Variants in ADGRE2 observed in about 807,000 individuals in gnomAD.
ADGRE2 encodes adhesion G protein-coupled receptor E2, also known as CD97 antigen.
In ADGRE2, 83 loss-of-function variants were observed where a neutral mutation model predicts 100.8. The observed-to-expected ratio is 0.82, with a 90% CI of 0.69 to 0.99. ADGRE2 has a LOEUF of 0.99. ADGRE2 is among the 50% of genes least tolerant of loss of function. The pLI is 0.00. For missense variants in ADGRE2, 814 were observed against 1,035.7 expected (o/e 0.79, Z 2.94); for synonymous variants, 355 against 413.0 (o/e 0.86, Z 1.70).
At chr19:14,754,439 TTATC>T (rs58065037) in intron 14 of ADGRE2, among the ~76,000 whole-genome samples, 41,299 of 126,010 alleles carry the variant, frequency 0.33, 5,831 homozygotes, top group Admixed American at 0.37. Context: ...CAGGCAGAAA[TTATC>T]TATCTATCTA....
At chr19:14,756,430 C>G in intron 11 of ADGRE2, 85 bp from the exon 12 acceptor site, 2 of 813,792 alleles carry the variant, frequency 2.5e-6, no homozygotes, top group Admixed American at 3.9e-5. Context: ...AATATATATA[C>G]TATATACATA....
At chr19:14,751,245 A>G (rs985048217) in intron 16 of ADGRE2, among the ~76,000 whole-genome samples, 191 bp downstream of exon 16, 2 of 152,198 alleles carry the variant, frequency 1.3e-5, no homozygotes, top group Admixed American at 6.5e-5. Flanking sequence ...CTCTTCTACA[A>G]TGCCTAGCTT....
At chr19:14,759,503 ATT>A (rs368205522) in intron 11 of ADGRE2, among the ~76,000 whole-genome samples, 30 of 133,352 alleles carry the variant, frequency 2.2e-4, no homozygotes, top group African/African-American at 7.4e-4. Context: ...ATATATATAT[ATT>A]TTTTTTTTTT....
chr19:14,751,379 C>G lies in ADGRE2; in HGVS notation c.2024+57G>C, dbSNP rs149862660. ...GTGTCATAAAAATGCTATCTAGGTT[C>G]TAGCAATGGCCATGGTTATGCCGGA... On this transcript the variant is annotated intron_variant, in intron 16 of 20. Transcript: ENST00000315576. The G allele has an allele frequency of 1.5e-5, 20 of 1,328,716 alleles. No individual in the cohort carries two copies. In the African/African-American group the frequency reaches 2.9e-4, roughly 19 times the overall value. 82.3% of individuals were successfully genotyped at this position (1,328,716 alleles called of 1,614,324 possible). A position where few individuals can be genotyped will look rare whatever the true frequency, so the allele number is the denominator to read the frequency against.
intron 4 of ADGRE2, among the ~76,000 whole-genome samples, chr19:14,773,093 A>C (rs1462905760): frequency 2.8e-5 from 4 of 143,950 alleles, no homozygotes; most frequent in Admixed American, 7.0e-5. Flanking sequence ...AAAAAAAAAA[A>C]AAAAACAAAA....
chr19:14,770,394 C>T (rs1384732706), intron 5 of ADGRE2, among the ~76,000 whole-genome samples: 2 of 152,128 alleles, frequency 1.3e-5, no homozygotes, highest in African/African-American at 4.8e-5. Context: ...CTTACATGGC[C>T]TGCAGAACCA....
intron 20 of ADGRE2, among the ~76,000 whole-genome samples, chr19:14,739,443 T>G (rs1187327228): frequency 1.3e-5 from 2 of 152,146 alleles, no homozygotes; most frequent in Non-Finnish European, 2.9e-5. Context: ...ATGACCTAAC[T>G]CTAATTCCCT....
In ADGRE2 at chr19:14,766,319, C is replaced by G. The variant is rs762665698; in HGVS notation, c.550G>C (p.Val184Leu). Reference protein sequence around the residue: ...CHSSTHCLNNVGSYQCRCRPG... With the variant: ...CHSSTHCLNNLGSYQCRCRPG... ...CGGCAGCGGCACTGATAGCTGCCCA[C>G]GTTGTTGAGGCAGTGGGTGGAGCTG... is the stretch of plus-strand genomic sequence containing the variant. Residue 184 changes from valine to leucine, a missense_variant, in exon 7 of 21, where the codon GTG (valine) becomes CTG (leucine). Val to Leu is a conservative substitution (Grantham distance 32, BLOSUM62 1). Transcript: ENST00000315576. 4 of 1,614,054 alleles carry G rather than the reference C, an allele frequency of 2.5e-6. No individual in the cohort carries two copies. The East Asian group carries it at 8.9e-5, about 36-fold the overall frequency.
Position 14,746,390 on chromosome 19 carries a change from T to TTTTC in ADGRE2, c.2092-68_2092-67insGAAA, listed in dbSNP as rs59231835. 4,271 of 845,882 alleles carry TTTTC rather than the reference T, an allele frequency of 5.0e-3. 164 individuals are homozygous for TTTTC. In the African/African-American group the frequency reaches 0.069, roughly 14 times the overall value. 52.4% of individuals were successfully genotyped at this position (845,882 alleles called of 1,614,324 possible). A position where few individuals can be genotyped will look rare whatever the true frequency, so the allele number is the denominator to read the frequency against. On this transcript the variant is annotated intron_variant, in intron 17 of 20. Transcript: ENST00000315576. ...CCTGTTATCTCTTTTTTTTTTTTTTTCAGACAGGGTCTTGCTCTGTTGCCC... is the reference window on the plus strand; with the variant it reads ...CCTGTTATCTCTTTTTTTTTTTTTTTTTTCCAGACAGGGTCTTGCTCTGTTGCCC...
downstream of ADGRE2, among the ~76,000 whole-genome samples, chr19:14,728,874 T>A (rs1466504631): frequency 6.6e-6 from 1 of 152,184 alleles, no homozygotes; most frequent in Non-Finnish European, 1.5e-5. Flanking sequence ...GGGTTTTATA[T>A]CCTTAACGCA....
downstream of ADGRE2, among the ~76,000 whole-genome samples, chr19:14,729,424 T>A (rs2042654301): frequency 1.3e-5 from 2 of 151,930 alleles, no homozygotes. Flanking sequence ...AGTGGTGTGG[T>A]CACAGCTCAC....
rs945028998 is a variant in ADGRE2 at position 14,776,763 on chromosome 19, A to C, written c.-7T>G. 1 of 1,613,226 alleles carries C rather than the reference A, an allele frequency of 6.2e-7. No individual in the cohort carries two copies. Among genetic ancestry groups the C allele is most frequent in the African/African-American group, 1.3e-5 (1 of 74,876 alleles). ...GAAAGACGCGGCCTCCCATGGTTCCAGCTGAGCTGCCGGCAGGAGCAGCAG... is the reference window on the plus strand; with the variant it reads ...GAAAGACGCGGCCTCCCATGGTTCCCGCTGAGCTGCCGGCAGGAGCAGCAG... On this transcript the variant is annotated 5_prime_UTR_variant, in exon 2 of 21. Transcript: ENST00000315576.
Position 14,733,270 on chromosome 19 carries a change from G to A in ADGRE2, c.*2966C>T, listed in dbSNP as rs902852227. 1.3e-5 allele frequency: 2 copies of A among 152,146 alleles called. No individual in the cohort carries two copies. Among genetic ancestry groups the A allele is most frequent in the Non-Finnish European group, 2.9e-5 (2 of 68,034 alleles). 9.4% of individuals were successfully genotyped at this position (152,146 alleles called of 1,614,324 possible). ...TTTTGGACAAACACCGCCACTTTAA[G>A]TTTCAGCTTCATTTTTAGCCTTCTG... On this transcript the variant is annotated 3_prime_UTR_variant, in exon 21 of 21. Coordinates refer to ENST00000315576, the MANE Select transcript of ADGRE2 (RefSeq NM_013447.4).
chr19:14,729,039 G>T (rs1285832682), downstream of ADGRE2, among the ~76,000 whole-genome samples: 1 of 152,204 alleles, frequency 6.6e-6, no homozygotes, highest in African/African-American at 2.4e-5. Flanking sequence ...TATGTGTGTG[G>T]TTTTGAGGGG....
chr19:14,772,791 C>G (rs550640788), intron 4 of ADGRE2, among the ~76,000 whole-genome samples: 1 of 150,982 alleles, frequency 6.6e-6, no homozygotes, highest in East Asian at 1.9e-4. Context: ...AATTTAAACC[C>G]CATGGCAGCC....
intron 18 of ADGRE2, 96 bp from the exon 19 acceptor site, chr19:14,743,880 AGAT>A: frequency 8.9e-7 from 1 of 1,122,934 alleles, no homozygotes; most frequent in Non-Finnish European, 1.3e-6. Context: ...CCTCCCCTGT[AGAT>A]GATTTCTCAG....
At chr19:14,767,677 C>G (rs2044043263) in intron 5 of ADGRE2, among the ~76,000 whole-genome samples, 1 of 152,216 alleles carries the variant, frequency 6.6e-6, no homozygotes, top group Admixed American at 6.5e-5. Context: ...CCAGCTGGGG[C>G]AGGGATGTCC....
At chr19:14,746,446 C>CA (rs2043094089) in intron 17 of ADGRE2, 123 bp from the exon 18 acceptor site, 1 of 632,698 alleles carries the variant, frequency 1.6e-6, no homozygotes, top group African/African-American at 1.9e-5. Context: ...AATCTCAGCT[C>CA]ACTGCCACCT....
Position 14,751,391 on chromosome 19 carries a change from A to G in ADGRE2, c.2024+45T>C, listed in dbSNP as rs779201751. The G allele has an allele frequency of 5.5e-6, 8 of 1,452,190 alleles. No individual in the cohort carries two copies. The South Asian group carries it at 5.7e-5, about 10-fold the overall frequency. The allele number at this position is 1,452,190 out of a possible 1,614,324, so 90.0% of individuals were successfully genotyped here. A position where few individuals can be genotyped will look rare whatever the true frequency, so the allele number is the denominator to read the frequency against. On this transcript the variant is annotated intron_variant, in intron 16 of 20. Transcript: ENST00000315576. ...TGCTATCTAGGTTCTAGCAATGGCCATGGTTATGCCGGAGAAGATAAGGAT... is the reference window on the plus strand; with the variant it reads ...TGCTATCTAGGTTCTAGCAATGGCCGTGGTTATGCCGGAGAAGATAAGGAT...
Sources: allele counts gnomAD v4.1 joint callset (sites outside exome capture counted in the v4.1 genomes callset), GRCh38; gene constraint gnomAD v4.1.1; transcripts MANE v1.5; gene names NCBI Gene and HGNC (gene_info 2026-07-23, HGNC 2026-07-21).